ZFHX3: variants seen among roughly 807,000 people sequenced by gnomAD.
ZFHX3 encodes the protein zinc finger homeobox 3.
In ZFHX3, 42 loss-of-function variants were observed where a neutral mutation model predicts 279.1. That is an observed-to-expected ratio of 0.15 (90% CI 0.12 to 0.19). The LOEUF is 0.19. ZFHX3 is among the 10% of genes least tolerant of loss of function. The pLI is 1.00. For missense variants in ZFHX3, 4,981 were observed against 4,754.0 expected (o/e 1.05, Z -1.40); for synonymous variants, 2,293 against 1,957.8 (o/e 1.17, Z -4.52).
rs1304419701 is a variant in ZFHX3 at position 73,010,035 on chromosome 16, A to C, written c.-50+37717T>G. Among the ~76,000 whole-genome samples the C allele has an allele frequency of 4.6e-5, 7 of 151,584 alleles. No homozygotes were observed. In the East Asian group the frequency reaches 1.4e-3, roughly 29 times the overall value. ...GACTCCCTCTCAAAGAAAAAAAAAA[A>C]AAAAAAAACTCATAAAGGTACACAG... On this transcript the variant is annotated intron_variant, in intron 1 of 9. Transcript: ENST00000268489.
In ZFHX3 at chr16:72,795,080, C is replaced by T. The variant is rs1420109993; in HGVS notation, c.7602G>A (p.Gln2534=). The T allele has an allele frequency of 1.2e-6, 2 of 1,613,974 alleles. No individual in the cohort carries two copies. The highest frequency in any genetic ancestry group is 2.7e-5 in the African/African-American group (2 of 74,888). Residue 2534 remains glutamine (Q), a synonymous_variant, in exon 9 of 10, where the codon CAG becomes CAA. Transcript: ENST00000268489. ...PPQLIPYQCD[Q]CKLAFPSFEH... ...CAAATGACGGAAATGCCAACTTACA[C>T]TGGTCACACTGGTAGGGGATTAGCT...
At chr16:73,438,810 C>T (rs936965134) in intron 3 of ZFHX3, among the ~76,000 whole-genome samples, 1 of 152,140 alleles carries the variant, frequency 6.6e-6, no homozygotes, top group East Asian at 1.9e-4. Flanking sequence ...CAACAATTTT[C>T]TTTTTGGAAA....
At chr16:73,777,275 A>C (rs946164629) in intron 1 of ZFHX3, among the ~76,000 whole-genome samples, 3 of 152,112 alleles carry the variant, frequency 2.0e-5, no homozygotes, top group African/African-American at 7.2e-5. Context: ...AGGCCAAGGC[A>C]GGAGGATCAT....
chr16:73,322,253 G>A (rs888040222), intron 3 of ZFHX3, among the ~76,000 whole-genome samples: 2 of 150,430 alleles, frequency 1.3e-5, no homozygotes, highest in African/African-American at 4.9e-5. Flanking sequence ...GCACTGAAAA[G>A]AGAGAACGCA....
intron 3 of ZFHX3, among the ~76,000 whole-genome samples, chr16:72,927,527 G>A (rs1959521624): frequency 6.6e-6 from 1 of 152,170 alleles, no homozygotes; most frequent in Non-Finnish European, 1.5e-5. Context: ...GAGGATTTGG[G>A]GGAACGTTCA....
At chr16:73,563,961 A>C (rs1479760576) in intron 2 of ZFHX3, among the ~76,000 whole-genome samples, 1 of 152,234 alleles carries the variant, frequency 6.6e-6, no homozygotes. Flanking sequence ...GCATTTCTTT[A>C]AAATTTCTTC....
At chr16:73,338,577 G>A (rs764842911) in intron 3 of ZFHX3, among the ~76,000 whole-genome samples, 25 of 151,920 alleles carry the variant, frequency 1.6e-4, no homozygotes, top group African/African-American at 2.2e-4. Flanking sequence ...AAATATGATC[G>A]ATTCGATGGA....
At chr16:73,836,691 T>C (rs907271105) in intron 1 of ZFHX3, among the ~76,000 whole-genome samples, 12 of 152,220 alleles carry the variant, frequency 7.9e-5, no homozygotes. Flanking sequence ...CCTCTGGCAT[T>C]GTTGATGCCT....
At chr16:73,550,218 T>C (rs906379754) in intron 2 of ZFHX3, among the ~76,000 whole-genome samples, 1 of 152,082 alleles carries the variant, frequency 6.6e-6, no homozygotes, top group African/African-American at 2.4e-5. Context: ...GACGGCTCAT[T>C]GAGGCAAACG....
intron 7 of ZFHX3, among the ~76,000 whole-genome samples, chr16:73,113,156 A>G (rs1966397381): frequency 6.6e-6 from 1 of 152,204 alleles, no homozygotes; most frequent in East Asian, 1.9e-4. Flanking sequence ...AGAAGGTCAG[A>G]AAGAAGGAGA....
intron 1 of ZFHX3, among the ~76,000 whole-genome samples, chr16:73,709,338 C>T (rs2053334875): frequency 9.9e-6 from 1 of 100,752 alleles, no homozygotes; most frequent in Non-Finnish European, 2.2e-5. Context: ...GCACTCTAGG[C>T]TGTGTGACAG....
rs79327595 is a variant in ZFHX3, at chr16:73,416,747, G to T, written c.-1291+39256C>A. On this transcript the variant is annotated intron_variant, in intron 3 of 17. Transcript: ENST00000641206. ...AAATTAGCCGGGTGCGGTGGCGGGC[G>T]CCTGTAGTCCCAGCTACCAGGGAGG... Among the ~76,000 whole-genome samples the T allele has an allele frequency of 4.1e-5, 6 of 147,612 alleles. No individual in the cohort carries two copies. In the South Asian group the frequency reaches 8.7e-4, roughly 21 times the overall value.
intron 2 of ZFHX3, among the ~76,000 whole-genome samples, chr16:73,536,052 T>A (rs2019896532): frequency 1.3e-5 from 2 of 152,094 alleles, no homozygotes; most frequent in African/African-American, 4.8e-5. Context: ...AAATTTTCTA[T>A]CACTGTGTAA....
chr16:73,728,015 G>GCCCCCAC (rs2053534637), intron 1 of ZFHX3, among the ~76,000 whole-genome samples: 1 of 75,426 alleles, frequency 1.3e-5, no homozygotes, highest in Non-Finnish European at 2.6e-5. Context: ...GCCGAATTGT[G>GCCCCCAC]CCCCCCCCCC....
intron 1 of ZFHX3, among the ~76,000 whole-genome samples, chr16:73,711,558 G>A (rs2053363204): frequency 6.6e-6 from 1 of 152,118 alleles, no homozygotes; most frequent in Admixed American, 6.6e-5. Context: ...GGGTCACCAA[G>A]AAGCAGTCTT....
chr16:73,346,546 A>C (rs1342862000), intron 3 of ZFHX3, among the ~76,000 whole-genome samples: 1 of 151,760 alleles, frequency 6.6e-6, no homozygotes, highest in African/African-American at 2.4e-5. Flanking sequence ...ATCTCGGCTC[A>C]CTGCAACCTC....
chr16:73,193,859 T>C (rs1048504509), intron 5 of ZFHX3, among the ~76,000 whole-genome samples: 1 of 152,190 alleles, frequency 6.6e-6, no homozygotes, highest in African/African-American at 2.4e-5. Flanking sequence ...ATTGTGTAAG[T>C]ATGCACCACA....
At chr16:72,909,877 CAAAAAAAAAA>C (rs66982395) in intron 3 of ZFHX3, among the ~76,000 whole-genome samples, 36 of 82,326 alleles carry the variant, frequency 4.4e-4, no homozygotes, top group African/African-American at 1.6e-3. Context: ...CACCGTGTCT[CAAAAAAAAAA>C]AAAAAAAAAA....
At position 72,959,592 on chromosome 16, in the gene ZFHX3, G is replaced by C. The variant is rs144613545; in HGVS notation, c.554C>G (p.Ser185Trp). Residue 185 changes from serine (S) to tryptophan (W), a missense_variant, in exon 2 of 10, where the codon TCG becomes TGG. Around this residue, in one of 7 missense-constraint regions of ZFHX3, gnomAD observed 1,068 missense variants for 935.2 expected, o/e 1.14. Transcript: ENST00000268489. ...PGAGGKQGDP[S>W]CAAPVYPQII... Reference sequence around the variant, plus strand: ...CTGCGGGTACACGGGTGCAGCACACGAAGGGTCCCCTTGCTTGCCCCCCGC... The same window carrying C: ...CTGCGGGTACACGGGTGCAGCACACCAAGGGTCCCCTTGCTTGCCCCCCGC... 6.2e-7 allele frequency: 1 copy of C among 1,614,036 alleles called. No individual in the cohort carries two copies. The highest frequency in any genetic ancestry group is 8.5e-7 in the Non-Finnish European group (1 of 1,180,038).
Sources: allele counts gnomAD v4.1 joint callset (sites outside exome capture counted in the v4.1 genomes callset), GRCh38; gene constraint gnomAD v4.1.1; regional missense constraint gnomAD v4.1.1; transcripts MANE v1.5; gene names NCBI Gene and HGNC (gene_info 2026-07-23, HGNC 2026-07-21).